Variants in KLHL13 observed in about 807,000 individuals in gnomAD.
The protein encoded by KLHL13 is kelch like family member 13.
Under a neutral mutation model 37.1 loss-of-function variants are expected in KLHL13, and 10 were observed. The ratio of observed to expected loss-of-function variants is 0.27; its 90% CI spans 0.17 to 0.46. The LOEUF is 0.46. Ranked by LOEUF, KLHL13 falls within the 20% of genes least tolerant of loss-of-function variation. KLHL13 has a pLI of 1.00. For synonymous variants in KLHL13, 163 were observed against 181.2 expected (o/e 0.90, Z 0.81); for missense variants, 360 against 509.3 (o/e 0.71, Z 2.82).
chrX:118,090,475 A>G (rs1206031742), intron 1 of KLHL13, among the ~76,000 whole-genome samples: 2 of 112,227 alleles, frequency 1.8e-5, no homozygotes, highest in Non-Finnish European at 3.8e-5. Flanking sequence ...AAGGATATCA[A>G]CAGACACTTC....
chrX:117,961,944 C>T (rs1466457949), intron 1 of KLHL13, among the ~76,000 whole-genome samples: 1 of 109,824 alleles, frequency 9.1e-6, no homozygotes, highest in Non-Finnish European at 1.9e-5. Context: ...GTGGCTCATG[C>T]CTGTAATCCC....
chrX:118,084,584 C>T lies in KLHL13; in HGVS notation c.-56+31924G>A, dbSNP rs185001592. ...TTGCTGCAGAAATTCCAACTCTCAA[C>T]TTTTATCTCACAATTGTACACAGAA... is the stretch of plus-strand genomic sequence containing the variant. On this transcript the variant is annotated intron_variant, in intron 1 of 6. Coordinates refer to the KLHL13 transcript ENST00000371882. Among the ~76,000 whole-genome samples the T allele has an allele frequency of 7.9e-3, 879 of 111,848 alleles. 7 individuals are homozygous for T. Among genetic ancestry groups the T allele is most frequent in the African/African-American group, 0.027 (846 of 30,830 alleles).
chrX:117,981,033 C>T (rs1417231209), intron 1 of KLHL13, among the ~76,000 whole-genome samples: 3 of 111,895 alleles, frequency 2.7e-5, no homozygotes, highest in Non-Finnish European at 5.7e-5. Flanking sequence ...TTCTCTTTAG[C>T]GATTTTAAAT....
intron 1 of KLHL13, among the ~76,000 whole-genome samples, chrX:117,955,950 G>C (rs141887281): frequency 0.02 from 2,187 of 111,281 alleles, 23 homozygotes; most frequent in Non-Finnish European, 0.03. Context: ...CATACTCCAA[G>C]AGTATATATG....
intron 1 of KLHL13, among the ~76,000 whole-genome samples, chrX:118,099,908 AAGG>A (rs2055267333): frequency 2.0e-5 from 2 of 100,501 alleles, no homozygotes; most frequent in African/African-American, 8.7e-5. Flanking sequence ...GGAAGGAAAG[AAGG>A]AAGGAAGAAA....
chrX:117,957,617 A>T (rs371886839), intron 1 of KLHL13, among the ~76,000 whole-genome samples: 2 of 112,140 alleles, frequency 1.8e-5, no homozygotes, highest in East Asian at 5.6e-4. Context: ...TTTAAATATA[A>T]TATCAGCTAA....
chrX:117,901,198 T>C (rs895436399), intron 6 of KLHL13, among the ~76,000 whole-genome samples: 2 of 111,524 alleles, frequency 1.8e-5, no homozygotes, highest in African/African-American at 6.5e-5. Context: ...TGGAAGCACG[T>C]TTTATGCATA....
chrX:118,061,101 C>G (rs1399733133), intron 1 of KLHL13, among the ~76,000 whole-genome samples: 1 of 111,647 alleles, frequency 9.0e-6, no homozygotes, highest in African/African-American at 3.3e-5. Flanking sequence ...AACAGTCACA[C>G]TGAAAAAAGA....
chrX:117,933,126 T>C (rs1932549589), intron 2 of KLHL13, among the ~76,000 whole-genome samples: 2 of 111,109 alleles, frequency 1.8e-5, no homozygotes, highest in Non-Finnish European at 3.8e-5. Flanking sequence ...TCTTATCAGA[T>C]GCATAGTTTG....
chrX:118,115,817 C>T (rs1400227381), intron 1 of KLHL13, among the ~76,000 whole-genome samples: 1 of 111,957 alleles, frequency 8.9e-6, no homozygotes, highest in African/African-American at 3.2e-5. Context: ...GTTAATGAAA[C>T]CTAGAAAGAA....
chrX:117,920,470 G>T, intron 2 of KLHL13, 100 bp from the exon 4 acceptor site: 1 of 856,367 alleles, frequency 1.2e-6, no homozygotes, highest in Non-Finnish European at 1.7e-6. Flanking sequence ...TGCAACATAT[G>T]TGGAACATAA....
chrX:117,935,999 T>A (rs1260261352), intron 2 of KLHL13, among the ~76,000 whole-genome samples: 1 of 111,697 alleles, frequency 9.0e-6, no homozygotes, highest in Non-Finnish European at 1.9e-5. Flanking sequence ...GGTATGTGAA[T>A]CATATCTCAA....
At chrX:117,909,102 C>T (rs1047024186) in intron 5 of KLHL13, among the ~76,000 whole-genome samples, 199 bp downstream of exon 6, 1 of 111,961 alleles carries the variant, frequency 8.9e-6, no homozygotes, top group South Asian at 3.7e-4. Context: ...GTATTTGTAA[C>T]GTACAATTTG....
intron 6 of KLHL13, 34 bp downstream of exon 7, chrX:117,901,799 T>C (rs1245101564): frequency 1.5e-6 from 1 of 679,260 alleles, no homozygotes; most frequent in East Asian, 3.2e-5. Flanking sequence ...TAAAAGCTTA[T>C]ATATTATATT....
intron 2 of KLHL13, among the ~76,000 whole-genome samples, chrX:117,921,463 C>T (rs1009268502): frequency 1.8e-4 from 20 of 111,362 alleles, no homozygotes; most frequent in African/African-American, 6.2e-4. Context: ...TGCAATTTAA[C>T]AATGATACAA....
intron 1 of KLHL13, among the ~76,000 whole-genome samples, chrX:118,076,903 T>C (rs2054934809): frequency 9.2e-6 from 1 of 108,717 alleles, no homozygotes. Context: ...CTTCTCTTCT[T>C]CTTCTCTCTC....
At chrX:118,094,878 C>T (rs1449486594) in intron 1 of KLHL13, among the ~76,000 whole-genome samples, 4 of 111,463 alleles carry the variant, frequency 3.6e-5, no homozygotes, top group African/African-American at 1.3e-4. Context: ...CCTAAAAGAG[C>T]TCCTGAAGGA....
At chrX:117,976,789 G>C (rs146338653), upstream of KLHL13, among the ~76,000 whole-genome samples, 239 of 111,981 alleles carry the variant, frequency 2.1e-3, no homozygotes, top group African/African-American at 6.6e-3. Flanking sequence ...AAAAATACCT[G>C]TGAAATGCAC....
intron 1 of KLHL13, among the ~76,000 whole-genome samples, chrX:117,999,238 G>A (rs758034698): frequency 8.9e-6 from 1 of 111,975 alleles, no homozygotes; most frequent in Admixed American, 9.5e-5. Flanking sequence ...AAAGACGCAT[G>A]CACACGTATG....
Sources: allele counts gnomAD v4.1 joint callset (sites outside exome capture counted in the v4.1 genomes callset), GRCh38; gene constraint gnomAD v4.1.1; transcripts MANE v1.5; gene names NCBI Gene and HGNC (gene_info 2026-07-23, HGNC 2026-07-21).